Variants in SMARCA4 observed in about 807,000 individuals in gnomAD.
The protein encoded by SMARCA4 is SWI/SNF related BAF chromatin remodeling complex subunit ATPase 4.
SMARCA4 carries 31 observed loss-of-function variants against 193.9 expected under a neutral mutation model. The ratio of observed to expected loss-of-function variants is 0.16; its 90% CI spans 0.12 to 0.22. The LOEUF is 0.22. Among genes scored for constraint, SMARCA4 ranks in the 10% least tolerant of loss-of-function variants. SMARCA4 has a pLI of 1.00. For synonymous variants in SMARCA4, 942 were observed against 933.1 expected, an observed-to-expected ratio of 1.01 and a Z score of -0.17; for missense variants, 1,148 against 2,296.0, an observed-to-expected ratio of 0.50 and a Z score of 10.22.
intron 13 of SMARCA4, among the ~76,000 whole-genome samples, 187 bp downstream of exon 13, chr19:11,003,584 T>C (rs2087870079): frequency 6.6e-6 from 1 of 152,244 alleles, no homozygotes; most frequent in Non-Finnish European, 1.5e-5. Flanking sequence ...TGGCGACATG[T>C]GACCATTTCC....
chr19:11,025,381 AG>A, intron 21 of SMARCA4, 40 bp from the exon 22 acceptor site: 1 of 1,356,184 alleles, frequency 7.4e-7, no homozygotes, highest in South Asian at 1.2e-5. Flanking sequence ...CCACCCCAGG[AG>A]GGCAAGACCC....
In SMARCA4 at chr19:10,987,617, A is replaced by T. The variant is rs2145810864; in HGVS notation, c.860-49A>T. ...AGCAGCTTTCCATTTCCAGCCCGGG[A>T]TGGGCCCCAGAGCTCAACATGACGC... On this transcript the variant is annotated intron_variant, in intron 5 of 34. Transcript: ENST00000344626. This position sits in a 1 kb window ranked among gnomAD's most constrained non-coding sequence, Gnocchi z 5.3. 6.2e-7 allele frequency: 1 copy of T among 1,609,040 alleles called. No individual in the cohort carries two copies. Among genetic ancestry groups the T allele is most frequent in the South Asian group, 1.1e-5 (1 of 90,918 alleles).
chr19:10,989,254 C>T (rs1402269110), intron 6 of SMARCA4, 63 bp from the exon 7 acceptor site: 7 of 1,607,512 alleles, frequency 4.4e-6, no homozygotes, highest in Non-Finnish European at 6.0e-6. Flanking sequence ...CCCTGCAGCT[C>T]CAGCTGTAAC....
intron 30 of SMARCA4, among the ~76,000 whole-genome samples, chr19:11,057,119 C>T (rs2076591600): frequency 6.6e-6 from 1 of 152,256 alleles, no homozygotes; most frequent in African/African-American, 2.4e-5. Flanking sequence ...CTTCGTCCGC[C>T]TGGTGGCTCC....
intron 30 of SMARCA4, among the ~76,000 whole-genome samples, chr19:11,055,414 T>G (rs2076487514): frequency 6.6e-6 from 1 of 152,134 alleles, no homozygotes; most frequent in South Asian, 2.1e-4. Flanking sequence ...GGTCTTGAAC[T>G]CCGGACTTCG....
Position 10,985,883 on chromosome 19 carries a change from C to T in SMARCA4, c.356-306C>T, listed in dbSNP as rs562147159. 8.3e-4 allele frequency among the ~76,000 whole-genome samples: 126 copies of T among 152,208 alleles called. No homozygotes were observed. The highest frequency in any genetic ancestry group is 2.9e-3 in the African/African-American group (121 of 41,526). On this transcript the variant is annotated intron_variant, in intron 3 of 34. Transcript: ENST00000344626. This position sits in a 1 kb window ranked among gnomAD's most constrained non-coding sequence, Gnocchi z 4.5. ...GTGTTGGGGGTGGGCCTGGCGAGCC[C>T]GAGGATGTGGACCCCGCCTGTGGAC...
rs974348168 is a variant in SMARCA4 at position 10,991,136 on chromosome 19, C to T, written c.1246-14C>T. The T allele has an allele frequency of 1.4e-5, 22 of 1,613,086 alleles. No homozygotes were observed. The highest frequency in any genetic ancestry group is 1.8e-5 in the Non-Finnish European group (21 of 1,179,938). ...GCTGTGCAGTGCGCGGGCTTGTCCT[C>T]TTCCCTCCTACAGCTGCGCCAGGAG... is the stretch of plus-strand genomic sequence containing the variant. On this transcript the variant is annotated splice_polypyrimidine_tract_variant and intron_variant, in intron 7 of 34. Transcript: ENST00000344626.
intron 16 of SMARCA4, 51 bp downstream of exon 16, chr19:11,013,163 G>A (rs2146284027): frequency 6.3e-7 from 1 of 1,598,938 alleles, no homozygotes; most frequent in Non-Finnish European, 8.6e-7. Context: ...ACGCTCCTGT[G>A]TTTGTTTCCT....
At chr19:11,028,038 G>A in intron 24 of SMARCA4, 88 bp downstream of exon 24, 2 of 1,422,560 alleles carry the variant, frequency 1.4e-6, no homozygotes, top group Non-Finnish European at 2.0e-6. Context: ...CTCCTGTGAG[G>A]CAGGGTGAGG....
chr19:11,061,595 C>G (rs1181944509), intron 34 of SMARCA4, 189 bp from the exon 35 acceptor site: 8 of 654,876 alleles, frequency 1.2e-5, no homozygotes, highest in South Asian at 9.7e-5. Context: ...CCAGGATGGT[C>G]TCGATCTCCT....
intron 23 of SMARCA4, among the ~76,000 whole-genome samples, chr19:11,026,844 C>T (rs371930415): frequency 2.0e-5 from 3 of 152,154 alleles, no homozygotes; most frequent in Admixed American, 1.3e-4. Context: ...CACTATTAAC[C>T]CCAAGAGACA....
intron 1 of SMARCA4, among the ~76,000 whole-genome samples, chr19:10,963,123 A>C (rs921256314): frequency 2.6e-5 from 4 of 152,004 alleles, no homozygotes; most frequent in African/African-American, 9.7e-5. Flanking sequence ...CTGAAATCCC[A>C]GCACTTGGGG....
chr19:11,033,277 C>T lies in SMARCA4; in HGVS notation c.3547-13C>T, dbSNP rs1206705033. 6.2e-6 allele frequency: 10 copies of T among 1,608,598 alleles called. No individual in the cohort carries two copies. Among genetic ancestry groups the T allele is most frequent in the Middle Eastern group, 1.7e-4 (1 of 6,000 alleles). ...TGGGCTCCTTTGGGACTGACTGGCA[C>T]CTCTTCCCCCAGGACCTGCAAGCGC... is the stretch of plus-strand genomic sequence containing the variant. On this transcript the variant is annotated splice_polypyrimidine_tract_variant and intron_variant, in intron 25 of 34. Coordinates refer to ENST00000344626, the MANE Select transcript of SMARCA4 (RefSeq NM_003072.5). The surrounding 1 kb of genome is among the most constrained non-coding windows in gnomAD (Gnocchi z 9.8).
At chr19:11,022,124 G>C (rs1213580441) in intron 19 of SMARCA4, among the ~76,000 whole-genome samples, 157 bp downstream of exon 19, 1 of 152,230 alleles carries the variant, frequency 6.6e-6, no homozygotes, top group Non-Finnish European at 1.5e-5. Flanking sequence ...GGAACCCAAG[G>C]CTGGGGCAGC....
chr19:11,005,619 T>C (rs141465916), intron 13 of SMARCA4, among the ~76,000 whole-genome samples: 45 of 152,294 alleles, frequency 3.0e-4, no homozygotes, highest in African/African-American at 9.1e-4. Flanking sequence ...TGATCTCACC[T>C]CCATTAGCAG....
chr19:10,965,739 G>A (rs537198197), intron 1 of SMARCA4, among the ~76,000 whole-genome samples: 31 of 152,228 alleles, frequency 2.0e-4, no homozygotes, highest in Admixed American at 1.2e-3. Context: ...GTTGTGACCC[G>A]ATAGTATTTG....
rs1455055924 is a variant in SMARCA4 at position 10,987,552 on chromosome 19, A to T, written c.860-114A>T. On this transcript the variant is annotated intron_variant, in intron 5 of 34. Coordinates refer to ENST00000344626, the MANE Select transcript of SMARCA4 (RefSeq NM_003072.5). This position sits in a 1 kb window ranked among gnomAD's most constrained non-coding sequence, Gnocchi z 5.3. ...GACACCCCTGGGTGAAAGGTGGGAG[A>T]TGGGCGGGGTCTGCCTGTCCCCAGT... 1 of 1,209,390 alleles carries T rather than the reference A, an allele frequency of 8.3e-7. No homozygotes were observed. The highest frequency in any genetic ancestry group is 1.5e-5 in the African/African-American group (1 of 67,084). 74.9% of individuals were successfully genotyped at this position (1,209,390 alleles called of 1,614,324 possible).
intron 1 of SMARCA4, among the ~76,000 whole-genome samples, chr19:10,981,454 A>C (rs1157913307): frequency 6.6e-6 from 1 of 152,260 alleles, no homozygotes; most frequent in African/African-American, 2.4e-5. Context: ...TTTCTGTAGC[A>C]GAATGTGCGA....
Position 11,061,195 on chromosome 19 carries a change from A to T in SMARCA4, c.4912-589A>T, listed in dbSNP as rs1420000938. ...AGAGCAAGACCCTGTCTTTAAAAAA[A>T]AAAAAAAAAATATATATATATATAT... On this transcript the variant is annotated intron_variant, in intron 34 of 34. Coordinates refer to ENST00000344626, the MANE Select transcript of SMARCA4 (RefSeq NM_003072.5). Among the ~76,000 whole-genome samples the T allele has an allele frequency of 2.5e-4, 17 of 69,252 alleles. 1 individual carries two copies. The highest frequency in any genetic ancestry group is 4.7e-4 in the South Asian group (1 of 2,150). 45.4% of individuals were successfully genotyped at this position (69,252 alleles called of 152,430 possible).
Sources: gnomAD v4.1 joint callset for allele counts (sites outside exome capture counted in the v4.1 genomes callset) on GRCh38, gnomAD v4.1.1 for gene constraint, Gnocchi (gnomAD v3.1) non-coding constraint, MANE v1.5 for transcripts, NCBI Gene and HGNC (gene_info 2026-07-23, HGNC 2026-07-21) for gene names.